VPS13A: variants seen among roughly 807,000 people sequenced by gnomAD.
VPS13A encodes the protein vacuolar protein sorting 13 homolog A.
Under a neutral mutation model 390.9 loss-of-function variants are expected in VPS13A, and 264 were observed. The observed-to-expected ratio is 0.68, with a 90% confidence interval of 0.61 to 0.75. The LOEUF (loss-of-function observed/expected upper bound fraction) is 0.75. VPS13A is among the 30% of genes least tolerant of loss of function. VPS13A has a pLI of 0.00. For missense variants in VPS13A, 3,409 were observed against 3,733.9 expected (o/e 0.91, Z 2.27); for synonymous variants, 1,231 against 1,227.1 (o/e 1.00, Z -0.07).
chr9:77,276,176 A>G lies in VPS13A; in HGVS notation c.2779A>G (p.Asn927Asp), dbSNP rs2131332649. The change falls in exon 26 of 72, where the codon AAT becomes GAT. Residue 927 changes from asparagine to aspartate, a missense_variant. By Grantham distance (23) the Asn-to-Asp change is conservative. Transcript: ENST00000360280. ...IEIRTYDLKANAFLKEFCLKC... is the reference protein window; with the variant it reads ...IEIRTYDLKADAFLKEFCLKC... ...GATTAGAACATACGATTTGAAAGCA[A>G]ATGCCTTTTTGAAAGAGTTCTGCTT... 4.3e-6 allele frequency: 7 copies of G among 1,610,162 alleles called. No homozygotes were observed. The highest frequency in any genetic ancestry group is 5.9e-6 in the Non-Finnish European group (7 of 1,178,234).
chr9:77,209,345 G>T, intron 5 of VPS13A, 78 bp from the exon 6 acceptor site: 1 of 988,118 alleles, frequency 1.0e-6, no homozygotes, highest in South Asian at 1.4e-5. Flanking sequence ...GGCAACGTAA[G>T]CATGTTACTT....
At chr9:77,318,700 A>C (rs1224918925) in intron 41 of VPS13A, 109 bp downstream of exon 41, 1 of 1,146,782 alleles carries the variant, frequency 8.7e-7, no homozygotes, top group African/African-American at 1.6e-5. Flanking sequence ...ATTTAAGCTT[A>C]TTGTAAATAT....
intron 1 of VPS13A, among the ~76,000 whole-genome samples, chr9:77,185,321 T>C (rs956041609): frequency 4.6e-5 from 7 of 152,174 alleles, no homozygotes; most frequent in South Asian, 2.1e-4. Context: ...TTTGTATTTT[T>C]AGTAGAGACG....
In VPS13A at chr9:77,357,680, C is replaced by T; in HGVS notation, c.7807-12C>T. 6.2e-7 allele frequency: 1 copy of T among 1,612,958 alleles called. No individual in the cohort carries two copies. Among genetic ancestry groups the T allele is most frequent in the South Asian group, 1.1e-5 (1 of 90,890 alleles). ...AAATTAATTTTTTCATTTGGGGGGA[C>T]ATATTTTTCAGGTTCGCCTAACCCC... On this transcript the variant is annotated splice_polypyrimidine_tract_variant and intron_variant, in intron 55 of 71. Transcript: ENST00000360280.
At chr9:77,337,216 T>C in intron 46 of VPS13A, 39 bp from the exon 47 acceptor site, 1 of 1,572,854 alleles carries the variant, frequency 6.4e-7, no homozygotes, top group Non-Finnish European at 8.6e-7. Flanking sequence ...TATGTTTTCC[T>C]TTAAAACATT....
At chr9:77,306,432 G>GTGTT (rs1415545544) in intron 34 of VPS13A, among the ~76,000 whole-genome samples, 1 of 151,434 alleles carries the variant, frequency 6.6e-6, no homozygotes, top group African/African-American at 2.4e-5. Flanking sequence ...GTGTGTGTGT[G>GTGTT]TGTGTGTGTG....
intron 67 of VPS13A, among the ~76,000 whole-genome samples, chr9:77,371,610 A>G (rs1832753505): frequency 6.6e-6 from 1 of 151,958 alleles, no homozygotes; most frequent in African/African-American, 2.4e-5. Flanking sequence ...AGTTACCAGC[A>G]CTACAATATG....
intron 1 of VPS13A, among the ~76,000 whole-genome samples, chr9:77,189,623 T>C (rs970355008): frequency 2.6e-5 from 4 of 152,314 alleles, no homozygotes; most frequent in African/African-American, 9.6e-5. Context: ...AAATAGTTTT[T>C]TCTAATTCTG....
In VPS13A at chr9:77,313,335, CTA is replaced by C. The variant is rs528044947; in HGVS notation, c.4115-655_4115-654del. ...TTCAGTATCTTAATTGAAGTAGTGA[CTA>C]TGTGGAAATATACACTTATCAAATT... On this transcript the variant is annotated intron_variant, in intron 35 of 71. Coordinates refer to ENST00000360280, the MANE Select transcript of VPS13A (RefSeq NM_033305.3). Among the ~76,000 whole-genome samples, 51 of 152,190 alleles carry C rather than the reference CTA, an allele frequency of 3.4e-4. 1 individual carries two copies. Among genetic ancestry groups the C allele is most frequent in the East Asian group, 1.7e-3 (9 of 5,166 alleles).
chr9:77,374,312 TAATAA>T (rs1368248495), intron 67 of VPS13A, among the ~76,000 whole-genome samples: 4 of 152,226 alleles, frequency 2.6e-5, no homozygotes, highest in East Asian at 3.9e-4. Flanking sequence ...TTAACAATAA[TAATAA>T]AATAAGACAA....
chr9:77,398,072 C>T lies in VPS13A; in HGVS notation c.9190-5164C>T, dbSNP rs543021561. Among the ~76,000 whole-genome samples the T allele has an allele frequency of 9.9e-5, 15 of 152,218 alleles. No individual in the cohort carries two copies. The East Asian group carries it at 2.5e-3, about 26-fold the overall frequency. ...GCTAATTCTTCATTTATTTTAAAGG[C>T]TATCACAAATTATTTTAATAGAACC... On this transcript the variant is annotated intron_variant, in intron 68 of 71. Coordinates refer to ENST00000360280, the MANE Select transcript of VPS13A (RefSeq NM_033305.3).
chr9:77,409,754 G>T (rs201443349), intron 71 of VPS13A, among the ~76,000 whole-genome samples: 1 of 150,926 alleles, frequency 6.6e-6, no homozygotes, highest in Admixed American at 6.6e-5. Context: ...AGAGAAAAAA[G>T]AATAGAAATC....
chr9:77,252,061 C>T lies in VPS13A; in HGVS notation c.2171-174C>T, dbSNP rs17063441. ...TTGGTGTAGTGATTGTCAGTGGATG[C>T]GCAGTAGATTTGATAACCTACTGAT... On this transcript the variant is annotated intron_variant, in intron 21 of 71. Transcript: ENST00000360280. 0.023 allele frequency among the ~76,000 whole-genome samples: 3,490 copies of T among 152,050 alleles called. 112 individuals carry two copies. Among genetic ancestry groups the T allele is most frequent in the East Asian group, 0.12 (606 of 5,162 alleles).
intron 1 of VPS13A, among the ~76,000 whole-genome samples, chr9:77,183,764 T>C (rs1230101827): frequency 6.6e-6 from 1 of 152,256 alleles, no homozygotes; most frequent in Non-Finnish European, 1.5e-5. Flanking sequence ...CATATGTTCA[T>C]ACAAAGATTT....
Position 77,250,164 on chromosome 9 carries a change from T to C in VPS13A, c.2105T>C (p.Met702Thr). The change falls in exon 21 of 72, where the codon ATG (methionine) becomes ACG (threonine). Residue 702 changes from methionine (M) to threonine (T), a missense_variant. By Grantham distance (81) the Met-to-Thr change is moderately conservative. Transcript: ENST00000360280. Reference sequence around the variant, plus strand: ...GGTGAGGCCAATCTTAAAGAGATAATGGATAGAGCTTATGATTCATTTGAT... The same window carrying C: ...GGTGAGGCCAATCTTAAAGAGATAACGGATAGAGCTTATGATTCATTTGAT... Reference protein sequence around the residue: ...KQGEANLKEIMDRAYDSFDIQ... With the variant: ...KQGEANLKEITDRAYDSFDIQ... The C allele has an allele frequency of 1.9e-6, 3 of 1,613,904 alleles. No homozygotes were observed. Among genetic ancestry groups the C allele is most frequent in the Non-Finnish European group, 2.5e-6 (3 of 1,179,916 alleles).
At chr9:77,321,103 G>A (rs938865941) in intron 42 of VPS13A, 66 bp from the exon 43 acceptor site, 7 of 1,410,644 alleles carry the variant, frequency 5.0e-6, no homozygotes, top group African/African-American at 1.4e-5. Context: ...TGTTGGTATT[G>A]GGATTTGTCT....
chr9:77,271,011 T>C (rs1826322845), intron 23 of VPS13A, among the ~76,000 whole-genome samples: 1 of 152,102 alleles, frequency 6.6e-6, no homozygotes, highest in Non-Finnish European at 1.5e-5. Flanking sequence ...ATAAATAAAT[T>C]GGACTTTATA....
chr9:77,246,472 G>C (rs992985472), intron 19 of VPS13A, among the ~76,000 whole-genome samples: 1 of 152,024 alleles, frequency 6.6e-6, no homozygotes, highest in African/African-American at 2.4e-5. Context: ...CATTTTGTGT[G>C]TGTGTGTGTG....
At chr9:77,264,199 C>T (rs1370401974) in intron 23 of VPS13A, among the ~76,000 whole-genome samples, 2 of 152,156 alleles carry the variant, frequency 1.3e-5, no homozygotes, top group African/African-American at 4.8e-5. Context: ...TTACCGTAGG[C>T]TTGTAGTATA....
Sources: allele counts gnomAD v4.1 joint callset (sites outside exome capture counted in the v4.1 genomes callset), GRCh38; gene constraint gnomAD v4.1.1; transcripts MANE v1.5; gene names NCBI Gene and HGNC (gene_info 2026-07-23, HGNC 2026-07-21).